The following OXR1 variants were observed in gnomAD, a reference collection of about 807,000 sequenced individuals.
OXR1 encodes oxidation resistance 1, also known as oxidation resistance protein 1.
OXR1 carries 41 observed loss-of-function variants against 104.6 expected under a neutral mutation model. The observed-to-expected ratio is 0.39, with a 90% confidence interval of 0.31 to 0.51. OXR1 has a LOEUF of 0.51. OXR1 is among the 20% of genes least tolerant of loss of function. The probability of loss-of-function intolerance (pLI) is 0.77; values close to 1 mark genes in which losing one functional copy is unlikely to be tolerated. For missense variants in OXR1, 955 were observed against 1,031.9 expected (o/e 0.93, Z 1.02); for synonymous variants, 348 against 348.4 (o/e 1.00, Z 0.01).
At chr8:106,719,187 T>A (rs1832598832) in intron 11 of OXR1, among the ~76,000 whole-genome samples, 1 of 152,236 alleles carries the variant, frequency 6.6e-6, no homozygotes. Context: ...TATTACTTTC[T>A]GTTTTTTGAT....
chr8:106,477,369 G>A (rs543984462), intron 2 of OXR1, among the ~76,000 whole-genome samples: 2 of 152,020 alleles, frequency 1.3e-5, no homozygotes, highest in South Asian at 2.1e-4. Context: ...AATAACAACA[G>A]GAGGTGGGTA....
At chr8:106,348,249 T>C (rs927826441) in intron 1 of OXR1, among the ~76,000 whole-genome samples, 2 of 152,136 alleles carry the variant, frequency 1.3e-5, no homozygotes, top group Admixed American at 1.3e-4. Context: ...ACTTGGGCTG[T>C]GCTATGAAGG....
rs1816150589 is a variant in OXR1, at chr8:106,359,553, G to A, written c.-61G>A. 4.3e-6 allele frequency: 6 copies of A among 1,390,578 alleles called. No homozygotes were observed. Among genetic ancestry groups the A allele is most frequent in the Middle Eastern group, 1.8e-4 (1 of 5,688 alleles). 86.1% of individuals were successfully genotyped at this position (1,390,578 alleles called of 1,614,324 possible). A position where few individuals can be genotyped will look rare whatever the true frequency, so the allele number is the denominator to read the frequency against. On this transcript the variant is annotated 5_prime_UTR_variant, in exon 2 of 17. Transcript: ENST00000517566. ...AGCTAAAATTTTTAGCGGTGTTGTC[G>A]ACTTGACCTGCTAATTTCCTGTTCT...
chr8:106,356,123 G>A (rs1490973297), intron 1 of OXR1, among the ~76,000 whole-genome samples: 2 of 152,126 alleles, frequency 1.3e-5, no homozygotes, highest in Non-Finnish European at 2.9e-5. Context: ...TTTACTAATT[G>A]GCACTTATTT....
chr8:106,448,504 A>G (rs531003119), intron 2 of OXR1, among the ~76,000 whole-genome samples: 1 of 152,298 alleles, frequency 6.6e-6, no homozygotes, highest in East Asian at 1.9e-4. Context: ...AGTATGTTGT[A>G]TTCAGCTTAA....
At chr8:106,358,107 G>A (rs1163298258) in intron 1 of OXR1, among the ~76,000 whole-genome samples, 5 of 152,096 alleles carry the variant, frequency 3.3e-5, no homozygotes, top group Admixed American at 2.0e-4. Flanking sequence ...TCTTTTCTTC[G>A]TCCTCCTTTC....
Position 106,473,470 on chromosome 8 carries a change from G to A in OXR1, c.24-45473G>A, listed in dbSNP as rs555357003. ...TTAGAAAAATCAAAGAAATGTTAGG[G>A]TTCTGAGTACTAGATTGTAGGTTTA... On this transcript the variant is annotated intron_variant, in intron 2 of 16. Transcript: ENST00000517566. Among the ~76,000 whole-genome samples the A allele has an allele frequency of 1.3e-4, 20 of 151,888 alleles. No individual in the cohort carries two copies. The South Asian group carries it at 4.2e-3, about 32-fold the overall frequency.
intron 7 of OXR1, chr8:106,697,497 G>A (rs1013666161): frequency 3.1e-4 from 491 of 1,609,270 alleles, no homozygotes; most frequent in Non-Finnish European, 3.7e-4. Context: ...GCCCGATCAC[G>A]TTCTTGCCCT....
At chr8:106,705,186 A>G (rs1408252234) in intron 8 of OXR1, among the ~76,000 whole-genome samples, 1 of 152,108 alleles carries the variant, frequency 6.6e-6, no homozygotes, top group Non-Finnish European at 1.5e-5. Flanking sequence ...AAATGTACAG[A>G]TAAAATTTCT....
intron 3 of OXR1, among the ~76,000 whole-genome samples, chr8:106,563,080 C>A (rs1816798286): frequency 1.3e-5 from 2 of 152,036 alleles, no homozygotes; most frequent in African/African-American, 4.8e-5. Context: ...GCAAAATAAC[C>A]AGCTAGCCAC....
chr8:106,339,986 C>T (rs1208448095), intron 1 of OXR1, among the ~76,000 whole-genome samples: 4 of 151,964 alleles, frequency 2.6e-5, no homozygotes, highest in African/African-American at 9.7e-5. Flanking sequence ...AAATTTTTTG[C>T]ATTTCTGTAA....
chr8:106,710,878 A>C, intron 10 of OXR1, 88 bp downstream of exon 10: 3 of 830,868 alleles, frequency 3.6e-6, no homozygotes, highest in Non-Finnish European at 5.2e-6. Flanking sequence ...ATGATAAACT[A>C]TTGAAACATA....
rs80336014 is a variant in OXR1, at chr8:106,538,503, T to G, written c.220+19364T>G. ...TTGTTCCAAATCTAGGCTTAACTCA[T>G]TTTCCAAAATGTACCAATTTAAGGT... On this transcript the variant is annotated intron_variant, in intron 3 of 16. Coordinates refer to ENST00000517566, the MANE Select transcript of OXR1 (RefSeq NM_001198533.2). 9.3e-3 allele frequency among the ~76,000 whole-genome samples: 1,417 copies of G among 152,322 alleles called. 14 individuals are homozygous for G. The highest frequency in any genetic ancestry group is 0.014 in the Non-Finnish European group (922 of 68,024).
intron 1 of OXR1, among the ~76,000 whole-genome samples, chr8:106,289,939 T>C (rs1812679772): frequency 1.3e-5 from 2 of 152,290 alleles, no homozygotes; most frequent in South Asian, 4.1e-4. Context: ...CACTTCTCCT[T>C]GCTACTGCCA....
intron 1 of OXR1, among the ~76,000 whole-genome samples, chr8:106,309,881 T>C (rs1034866282): frequency 6.6e-6 from 1 of 151,552 alleles, no homozygotes; most frequent in Non-Finnish European, 1.5e-5. Context: ...TTTAAGAAAA[T>C]GTACCATTAC....
chr8:106,722,477 CG>C (rs1397601923), intron 11 of OXR1, among the ~76,000 whole-genome samples: 3 of 152,086 alleles, frequency 2.0e-5, no homozygotes, highest in Non-Finnish European at 4.4e-5. Flanking sequence ...TTTCATAATA[CG>C]GTCATGCAGC....
chr8:106,572,116 G>A (rs2130567327), intron 3 of OXR1, among the ~76,000 whole-genome samples: 1 of 152,194 alleles, frequency 6.6e-6, no homozygotes, highest in Admixed American at 6.5e-5. Flanking sequence ...TGGCAGCCCT[G>A]GTGATTTCGG....
chr8:106,469,864 C>A (rs550570257), intron 2 of OXR1, among the ~76,000 whole-genome samples: 2 of 151,942 alleles, frequency 1.3e-5, no homozygotes, highest in East Asian at 3.9e-4. Context: ...GGTCTGTAGA[C>A]CTCATTGAAG....
intron 3 of OXR1, among the ~76,000 whole-genome samples, chr8:106,523,991 T>A (rs551578893): frequency 1.6e-3 from 247 of 152,236 alleles, no homozygotes; most frequent in African/African-American, 5.7e-3. Context: ...TTAGCCAGGA[T>A]GATCTCGATC....
Sources: allele counts gnomAD v4.1 joint callset (sites outside exome capture counted in the v4.1 genomes callset), GRCh38; gene constraint gnomAD v4.1.1; transcripts MANE v1.5; gene names NCBI Gene and HGNC (gene_info 2026-07-23, HGNC 2026-07-21).